CTNNBL1: variants seen among roughly 807,000 people sequenced by gnomAD.
CTNNBL1 encodes beta-catenin-like protein 1.
Under a neutral mutation model 72.7 loss-of-function variants are expected in CTNNBL1, and 31 were observed. The ratio of observed to expected loss-of-function variants is 0.43; its 90% confidence interval spans 0.32 to 0.58. The LOEUF (loss-of-function observed/expected upper bound fraction) is 0.58. Ranked by LOEUF, CTNNBL1 falls within the 20% of genes least tolerant of loss-of-function variation. The pLI is 0.08. For synonymous variants in CTNNBL1, 240 were observed against 267.3 expected, an observed-to-expected ratio of 0.90 and a Z score of 1.00; for missense variants, 534 against 725.1, an observed-to-expected ratio of 0.74 and a Z score of 3.03.
chr20:37,871,710 T>TCC (rs2072586281), intron 15 of CTNNBL1, among the ~76,000 whole-genome samples: 8 of 151,818 alleles, frequency 5.3e-5, no homozygotes, highest in African/African-American at 1.9e-4. Flanking sequence ...AAGTGAAGGG[T>TCC]GTGGCTAGGA....
intron 5 of CTNNBL1, among the ~76,000 whole-genome samples, chr20:37,763,028 G>C (rs572151911): frequency 1.3e-5 from 2 of 152,294 alleles, no homozygotes; most frequent in East Asian, 3.9e-4. Context: ...ATCAAAGAAA[G>C]GAGGGAAAAT....
intron 13 of CTNNBL1, among the ~76,000 whole-genome samples, chr20:37,852,639 C>T (rs1407121808): frequency 3.3e-5 from 5 of 152,144 alleles, no homozygotes; most frequent in South Asian, 2.1e-4. Context: ...TCAAGAGCAC[C>T]GGATCAGGGA....
chr20:37,731,385 A>G (rs572515242), intron 1 of CTNNBL1, among the ~76,000 whole-genome samples: 9 of 151,862 alleles, frequency 5.9e-5, no homozygotes. Context: ...ACAGGCATGC[A>G]CCACCACGCC....
intron 1 of CTNNBL1, among the ~76,000 whole-genome samples, chr20:37,695,190 T>A (rs987284745): frequency 1.2e-4 from 19 of 152,198 alleles, no homozygotes; most frequent in African/African-American, 2.4e-5. Flanking sequence ...AAAATATACT[T>A]AATTAATTTT....
chr20:37,859,905 G>T lies in CTNNBL1; in HGVS notation c.1399G>T (p.Val467Phe). ...AACGTTCATTTGTTTCTAGGACATG[G>T]TCCGGCGAGGAGAGATCATCGACAA... ...KKIEGEKHDM[V>F]RRGEIIDNDT... Residue 467 changes from valine to phenylalanine, a missense_variant, in exon 14 of 16, where the codon GTC becomes TTC. Transcript: ENST00000361383. 1 of 1,613,998 alleles carries T rather than the reference G, an allele frequency of 6.2e-7. No individual in the cohort carries two copies.
At chr20:37,701,528 A>C (rs530113653) in intron 1 of CTNNBL1, among the ~76,000 whole-genome samples, 7 of 152,304 alleles carry the variant, frequency 4.6e-5, no homozygotes, top group Non-Finnish European at 8.8e-5. Flanking sequence ...AATGGAAGGA[A>C]CGGTTGGATA....
chr20:37,695,457 G>T (rs1359373668), intron 1 of CTNNBL1, among the ~76,000 whole-genome samples: 1 of 152,150 alleles, frequency 6.6e-6, no homozygotes, highest in Non-Finnish European at 1.5e-5. Context: ...GCCTCCCAAA[G>T]TGCTGGGATT....
intron 7 of CTNNBL1, among the ~76,000 whole-genome samples, chr20:37,769,989 C>T (rs943432479): frequency 1.3e-5 from 2 of 152,182 alleles, no homozygotes; most frequent in Non-Finnish European, 2.9e-5. Context: ...AATCTGTAAC[C>T]TTGATTTACA....
chr20:37,828,470 G>A (rs962191433), intron 11 of CTNNBL1, among the ~76,000 whole-genome samples: 7 of 152,078 alleles, frequency 4.6e-5, no homozygotes, highest in Non-Finnish European at 8.8e-5. Flanking sequence ...GAACTAACTA[G>A]GTCACCTCCT....
intron 11 of CTNNBL1, among the ~76,000 whole-genome samples, chr20:37,824,533 G>GT (rs1355792649): frequency 6.6e-6 from 1 of 152,146 alleles, no homozygotes; most frequent in African/African-American, 2.4e-5. Flanking sequence ...CTGGATTAGT[G>GT]TATCAGGAAT....
intron 10 of CTNNBL1, among the ~76,000 whole-genome samples, chr20:37,783,655 T>G (rs962788387): frequency 6.6e-6 from 1 of 152,244 alleles, no homozygotes; most frequent in Admixed American, 6.5e-5. Context: ...AATTTCTGTT[T>G]GAATAGTTTC....
intron 15 of CTNNBL1, among the ~76,000 whole-genome samples, chr20:37,864,822 T>C (rs1327567835): frequency 3.2e-5 from 2 of 62,254 alleles, no homozygotes; most frequent in African/African-American, 1.3e-4. Context: ...GAGGTGGTGC[T>C]GTAGGCTTCT....
In CTNNBL1 at chr20:37,748,984, TC is replaced by T. The variant is rs1188148338; in HGVS notation, c.466+2378del. ...CGAGTTCTGGTTGTTACTTCACATT[TC>T]AGTTCACCTACAGAAGGGTAGATTT... On this transcript the variant is annotated intron_variant, in intron 4 of 15. Coordinates refer to ENST00000361383, the MANE Select transcript of CTNNBL1 (RefSeq NM_030877.5). Among the ~76,000 whole-genome samples the T allele has an allele frequency of 3.2e-4, 48 of 152,238 alleles. 1 individual carries two copies. Among genetic ancestry groups the T allele is most frequent in the Non-Finnish European group, 6.5e-4 (44 of 68,046 alleles).
intron 1 of CTNNBL1, among the ~76,000 whole-genome samples, chr20:37,728,261 A>G (rs2073101816): frequency 6.6e-6 from 1 of 152,234 alleles, no homozygotes; most frequent in Non-Finnish European, 1.5e-5. Context: ...AAGAATGTAA[A>G]ATAACAAATG....
intron 1 of CTNNBL1, among the ~76,000 whole-genome samples, chr20:37,730,705 A>C (rs1260077265): frequency 6.6e-6 from 1 of 152,232 alleles, no homozygotes; most frequent in East Asian, 1.9e-4. Flanking sequence ...AGCTGGCTGC[A>C]GTGGCACACA....
intron 1 of CTNNBL1, among the ~76,000 whole-genome samples, chr20:37,695,211 T>C (rs2072780452): frequency 1.3e-5 from 2 of 152,208 alleles, no homozygotes; most frequent in Non-Finnish European, 2.9e-5. Context: ...TAAAATTTTA[T>C]TTTATTGTTA....
intron 13 of CTNNBL1, among the ~76,000 whole-genome samples, chr20:37,858,587 G>A (rs1320254514): frequency 1.9e-5 from 2 of 106,748 alleles, no homozygotes; most frequent in Non-Finnish European, 4.1e-5. Flanking sequence ...GATGAGGGGC[G>A]AGAGGATTGG....
intron 5 of CTNNBL1, among the ~76,000 whole-genome samples, chr20:37,762,978 A>G (rs1450698218): frequency 6.6e-6 from 1 of 152,208 alleles, no homozygotes; most frequent in Admixed American, 6.5e-5. Context: ...CAGTGTCCCC[A>G]CTAGCTTCTA....
Position 37,798,020 on chromosome 20 carries a change from C to T in CTNNBL1, c.1032-4847C>T, listed in dbSNP as rs113766922. ...CAGACATGGTCAGCCCTCCTTCCTG[C>T]GTTCACTCTGCTTTGTATATACCTC... On this transcript the variant is annotated intron_variant, in intron 10 of 15. Transcript: ENST00000361383. Among the ~76,000 whole-genome samples the T allele has an allele frequency of 2.1e-3, 321 of 152,244 alleles. 2 individuals are homozygous for T. The highest frequency in any genetic ancestry group is 7.4e-3 in the African/African-American group (309 of 41,536).
Sources: gnomAD v4.1 joint callset for allele counts (sites outside exome capture counted in the v4.1 genomes callset) on GRCh38, gnomAD v4.1.1 for gene constraint, MANE v1.5 for transcripts, NCBI Gene and HGNC (gene_info 2026-07-23, HGNC 2026-07-21) for gene names.